The following CTNNA2 variants were observed in gnomAD, a reference collection of about 807,000 sequenced individuals.
The protein encoded by CTNNA2 is catenin alpha-2.
CTNNA2 carries 42 observed loss-of-function variants against 101.0 expected under a neutral mutation model. The observed-to-expected ratio is 0.42, with a 90% CI of 0.32 to 0.54. The LOEUF (loss-of-function observed/expected upper bound fraction) is 0.54. Among genes scored for constraint, CTNNA2 ranks in the 20% least tolerant of loss-of-function variants. The probability of loss-of-function intolerance (pLI) is 0.14; values close to 1 mark genes in which losing one functional copy is unlikely to be tolerated. For synonymous variants in CTNNA2, 450 were observed against 456.4 expected (o/e 0.99, Z 0.18); for missense variants, 871 against 1,223.1 (o/e 0.71, Z 4.29).
chr2:79,833,232 G>A (rs964255220), intron 3 of CTNNA2, among the ~76,000 whole-genome samples: 4 of 152,150 alleles, frequency 2.6e-5, no homozygotes, highest in African/African-American at 9.7e-5. Context: ...CTGAAAAACG[G>A]AGTTATATCA....
intron 7 of CTNNA2, among the ~76,000 whole-genome samples, chr2:80,098,380 G>A (rs1024981774): frequency 6.6e-5 from 10 of 152,190 alleles, no homozygotes; most frequent in Admixed American, 1.3e-4. Context: ...TTGTCTCAGA[G>A]GAGTACCCGG....
chr2:80,627,699 T>G (rs10178283), intron 18 of CTNNA2, among the ~76,000 whole-genome samples: 3 of 151,900 alleles, frequency 2.0e-5, no homozygotes, highest in African/African-American at 7.3e-5. Flanking sequence ...TGTGCAGAAG[T>G]TCATTAGTTT....
chr2:79,411,186 T>C (rs1035557349), intron 4 of CTNNA2, among the ~76,000 whole-genome samples: 7 of 152,090 alleles, frequency 4.6e-5, no homozygotes, highest in African/African-American at 1.7e-4. Flanking sequence ...TTGATTCTTC[T>C]CTCTTTTTTT....
intron 7 of CTNNA2, among the ~76,000 whole-genome samples, chr2:80,340,793 A>G (rs1163231192): frequency 3.9e-5 from 6 of 152,200 alleles, no homozygotes; most frequent in African/African-American, 9.6e-5. Context: ...AGCTAGCATC[A>G]GATCTCATGA....
chr2:79,662,614 G>A lies in CTNNA2; in HGVS notation c.102+10956G>A, dbSNP rs562584184. Among the ~76,000 whole-genome samples the A allele has an allele frequency of 4.4e-4, 67 of 152,188 alleles. 1 individual carries two copies. Among genetic ancestry groups the A allele is most frequent in the Admixed American group, 4.4e-3 (67 of 15,280 alleles). On this transcript the variant is annotated intron_variant, in intron 2 of 18. Coordinates refer to ENST00000402739, the MANE Select transcript of CTNNA2 (RefSeq NM_001282597.3). ...TACGAAGTGACAGAATTGAATTTACGCAGGAAGCTCTCAACTAGCAAACTA... is the reference window on the plus strand; with the variant it reads ...TACGAAGTGACAGAATTGAATTTACACAGGAAGCTCTCAACTAGCAAACTA...
chr2:79,491,411 A>G (rs149906708), intron 4 of CTNNA2, among the ~76,000 whole-genome samples: 1 of 152,346 alleles, frequency 6.6e-6, no homozygotes, highest in Non-Finnish European at 1.5e-5. Context: ...ACACAGCTTC[A>G]AACACCAAGG....
intron 6 of CTNNA2, among the ~76,000 whole-genome samples, chr2:79,890,659 A>G (rs957851460): frequency 2.0e-5 from 3 of 151,536 alleles, no homozygotes; most frequent in South Asian, 2.1e-4. Context: ...TAGTTTTGGC[A>G]TCTGTTTAAA....
chr2:80,316,473 C>A (rs747364405), intron 7 of CTNNA2, among the ~76,000 whole-genome samples: 1 of 152,122 alleles, frequency 6.6e-6, no homozygotes, highest in African/African-American at 2.4e-5. Flanking sequence ...GTTTAAATAT[C>A]TCTAGAACAT....
chr2:80,076,278 C>CT (rs200074706), intron 7 of CTNNA2, among the ~76,000 whole-genome samples: 20,936 of 144,964 alleles, frequency 0.14, 1,724 homozygotes, highest in South Asian at 0.35. Flanking sequence ...TCATTTTTTC[C>CT]TTTTTTTTTT....
intron 1 of CTNNA2, among the ~76,000 whole-genome samples, chr2:79,613,882 A>G (rs1678453066): frequency 6.6e-6 from 1 of 151,618 alleles, no homozygotes. Flanking sequence ...CACCAATCTC[A>G]TGGTGCCAAT....
intron 4 of CTNNA2, among the ~76,000 whole-genome samples, chr2:79,449,119 A>C (rs957539205): frequency 6.6e-6 from 1 of 151,984 alleles, no homozygotes; most frequent in Admixed American, 6.6e-5. Flanking sequence ...ACTCCCCCCA[A>C]AAAGGGGTTT....
chr2:80,314,274 T>C (rs1677885405), intron 7 of CTNNA2, among the ~76,000 whole-genome samples: 1 of 152,304 alleles, frequency 6.6e-6, no homozygotes, highest in Middle Eastern at 3.4e-3. Flanking sequence ...AGTGCAGATT[T>C]TGATTAAAAG....
intron 7 of CTNNA2, among the ~76,000 whole-genome samples, chr2:80,176,383 T>A (rs1471140271): frequency 6.6e-6 from 1 of 152,218 alleles, no homozygotes; most frequent in African/African-American, 2.4e-5. Flanking sequence ...ATTTTCTTAG[T>A]ACAAGTGTAT....
intron 7 of CTNNA2, among the ~76,000 whole-genome samples, chr2:80,188,944 CTTTTTTTTT>C (rs34090029): frequency 4.0e-5 from 3 of 74,686 alleles, no homozygotes; most frequent in Admixed American, 1.8e-4. Context: ...CAGGTGGTCA[CTTTTTTTTT>C]TTTTTTTTTT....
intron 1 of CTNNA2, among the ~76,000 whole-genome samples, chr2:79,187,878 A>T (rs1673802191): frequency 6.6e-6 from 1 of 152,212 alleles, no homozygotes. Context: ...CAGGATATAC[A>T]TGAGTTATTA....
chr2:80,315,848 C>T (rs1678067424), intron 7 of CTNNA2, among the ~76,000 whole-genome samples: 1 of 152,092 alleles, frequency 6.6e-6, no homozygotes, highest in African/African-American at 2.4e-5. Flanking sequence ...TTTCTCAAGC[C>T]ATGTGACTCT....
intron 15 of CTNNA2, among the ~76,000 whole-genome samples, chr2:80,590,138 C>T (rs1417167346): frequency 6.6e-6 from 1 of 152,186 alleles, no homozygotes; most frequent in Non-Finnish European, 1.5e-5. Flanking sequence ...TTTTCTTCAA[C>T]AAGGGTTAGT....
intron 7 of CTNNA2, among the ~76,000 whole-genome samples, chr2:80,250,950 A>G (rs1274379255): frequency 6.6e-6 from 1 of 152,182 alleles, no homozygotes; most frequent in Non-Finnish European, 1.5e-5. Context: ...CTTCAAGGGG[A>G]AAAATTAACT....
At chr2:80,645,480 C>A (rs1008963319) in intron 18 of CTNNA2, among the ~76,000 whole-genome samples, 3 of 152,162 alleles carry the variant, frequency 2.0e-5, no homozygotes, top group Non-Finnish European at 4.4e-5. Context: ...TCAAGACAGT[C>A]TTTAGGTTTC....
Sources: allele counts gnomAD v4.1 joint callset (sites outside exome capture counted in the v4.1 genomes callset), GRCh38; gene constraint gnomAD v4.1.1; transcripts MANE v1.5; gene names NCBI Gene and HGNC (gene_info 2026-07-23, HGNC 2026-07-21).